VBP1: variants seen among roughly 807,000 people sequenced by gnomAD.
The protein encoded by VBP1 is prefoldin subunit 3.
VBP1 carries 4 observed loss-of-function variants against 15.5 expected under a neutral mutation model. The ratio of observed to expected loss-of-function variants is 0.26; its 90% CI spans 0.13 to 0.59. VBP1 has a LOEUF of 0.59. Among genes scored for constraint, VBP1 ranks in the 20% least tolerant of loss-of-function variants. The pLI, the probability that VBP1 is intolerant of heterozygous loss-of-function variation, is 0.90. For synonymous variants in VBP1, 61 were observed against 52.1 expected, an observed-to-expected ratio of 1.17 and a Z score of -0.74; for missense variants, 108 against 139.6, an observed-to-expected ratio of 0.77 and a Z score of 1.14.
At chrX:155,234,926 GT>G (rs2074764686) in intron 4 of VBP1, among the ~76,000 whole-genome samples, 1 of 112,007 alleles carries the variant, frequency 8.9e-6, no homozygotes, top group Non-Finnish European at 1.9e-5. Flanking sequence ...ATCTTATACA[GT>G]GCCCCATTTT....
intron 4 of VBP1, among the ~76,000 whole-genome samples, chrX:155,235,512 G>A (rs958557704): frequency 1.9e-4 from 21 of 111,024 alleles, no homozygotes; most frequent in African/African-American, 6.6e-4. Flanking sequence ...GCTGTAAAAG[G>A]TGTGGCTTCC....
At position 155,216,501 on chromosome X, in the gene VBP1, A is replaced by G. The variant is rs781860758; in HGVS notation, c.19A>G (p.Ser7Gly). ...CCCCAAGATGGCGGCCGTTAAGGAC[A>G]GTTGTGGCAAAGGAGAAATGGCCAC... is the stretch of plus-strand genomic sequence containing the variant. The part of the protein sequence containing the change: MAAVKD[S>G]CGKGEMATGN... Residue 7 changes from serine (S) to glycine (G), a missense_variant, in exon 1 of 6, where the codon AGT becomes GGT. Transcript: ENST00000286428. 4.3e-6 allele frequency: 5 copies of G among 1,170,398 alleles called. No individual in the cohort carries two copies. The highest frequency in any genetic ancestry group is 2.5e-5 in the Admixed American group (1 of 39,404).
chrX:155,214,616 G>T (rs1557308836), upstream of VBP1, among the ~76,000 whole-genome samples: 2 of 111,511 alleles, frequency 1.8e-5, no homozygotes, highest in Non-Finnish European at 3.8e-5. Context: ...ACCTTTTAAA[G>T]TCTGTTTTAA....
At chrX:155,225,380 A>T (rs1346456534) in intron 2 of VBP1, among the ~76,000 whole-genome samples, 5 of 111,309 alleles carry the variant, frequency 4.5e-5, no homozygotes, top group Admixed American at 9.5e-5. Context: ...ATTTTTTTTT[A>T]GTAGAGACTG....
chrX:155,217,410 C>G (rs890040501), intron 1 of VBP1, among the ~76,000 whole-genome samples: 3 of 112,607 alleles, frequency 2.7e-5, no homozygotes, highest in Non-Finnish European at 5.6e-5. Context: ...GAGAAAACAT[C>G]TGACTGGCCC....
At chrX:155,227,381 T>A in intron 3 of VBP1, 80 bp downstream of exon 3, 1 of 707,162 alleles carries the variant, frequency 1.4e-6, no homozygotes, top group Non-Finnish European at 2.1e-6. Flanking sequence ...CTTTGGTCAC[T>A]GATATTTGAT....
intron 1 of VBP1, among the ~76,000 whole-genome samples, chrX:155,201,223 C>T (rs1336764633): frequency 9.1e-6 from 1 of 110,187 alleles, no homozygotes; most frequent in Admixed American, 9.6e-5. Flanking sequence ...CTATTCCAAT[C>T]AATAGAAAAA....
intron 1 of VBP1, among the ~76,000 whole-genome samples, chrX:155,198,265 C>T (rs1401201253): frequency 8.9e-6 from 1 of 112,287 alleles, no homozygotes; most frequent in Non-Finnish European, 1.9e-5. Context: ...CAGTGGTTCT[C>T]CCAGCACGCA....
chrX:155,236,095 T>A, intron 4 of VBP1, 134 bp from the exon 5 acceptor site: 3 of 680,636 alleles, frequency 4.4e-6, no homozygotes, highest in Non-Finnish European at 6.4e-6. Flanking sequence ...ATAGCTGGGC[T>A]CCAGTGAAAC....
chrX:155,198,582 G>A (rs1377650982), intron 1 of VBP1, among the ~76,000 whole-genome samples: 1 of 110,708 alleles, frequency 9.0e-6, no homozygotes, highest in Non-Finnish European at 1.9e-5. Context: ...CAAACAGAAA[G>A]GACATCCACA....
chrX:155,228,663 G>T (rs972892619), intron 4 of VBP1, among the ~76,000 whole-genome samples, 181 bp downstream of exon 4: 8 of 111,968 alleles, frequency 7.1e-5, no homozygotes, highest in African/African-American at 2.6e-4. Context: ...GTTCATATTA[G>T]AAATTGACTA....
At chrX:155,200,492 C>T (rs1346520768) in intron 1 of VBP1, among the ~76,000 whole-genome samples, 10 of 111,367 alleles carry the variant, frequency 9.0e-5, no homozygotes, top group African/African-American at 2.9e-4. Context: ...AACTGAACAA[C>T]CTGGTCCTGA....
intron 2 of VBP1, among the ~76,000 whole-genome samples, chrX:155,220,897 A>T (rs1269687593): frequency 8.9e-6 from 1 of 112,165 alleles, no homozygotes; most frequent in African/African-American, 3.2e-5. Flanking sequence ...TCTGCTTTCA[A>T]CAAGGACACA....
chrX:155,223,607 GAC>G (rs2074701483), intron 2 of VBP1, among the ~76,000 whole-genome samples: 1 of 112,307 alleles, frequency 8.9e-6, no homozygotes, highest in Non-Finnish European at 1.9e-5. Flanking sequence ...TTTCCACACA[GAC>G]ACAGCAACAA....
At chrX:155,210,311 G>T (rs1569560884) in intron 2 of VBP1, among the ~76,000 whole-genome samples, 3 of 111,401 alleles carry the variant, frequency 2.7e-5, no homozygotes, top group Non-Finnish European at 3.8e-5. Context: ...GAAATTAGCT[G>T]GATATAGTGG....
At chrX:155,209,229 TTTTATTCATTTATTTG>T (rs1233182807) in intron 2 of VBP1, among the ~76,000 whole-genome samples, 3 of 112,613 alleles carry the variant, frequency 2.7e-5, no homozygotes, top group Non-Finnish European at 5.6e-5. Context: ...TCAGCCATCC[TTTTATTCATTTATTTG>T]TTTATTCAGT....
At chrX:155,212,033 C>T (rs1273705841), upstream of VBP1, among the ~76,000 whole-genome samples, 1 of 111,992 alleles carries the variant, frequency 8.9e-6, no homozygotes, top group African/African-American at 3.3e-5. Context: ...GTGCCCAAAG[C>T]CCTATTATTA....
chrX:155,235,275 G>A (rs2124100058), intron 4 of VBP1, among the ~76,000 whole-genome samples: 1 of 110,634 alleles, frequency 9.0e-6, no homozygotes, highest in East Asian at 2.8e-4. Context: ...CTTTGCTTAT[G>A]TTGAATATTT....
intron 1 of VBP1, among the ~76,000 whole-genome samples, chrX:155,205,617 G>A (rs1557307978): frequency 9.0e-6 from 1 of 111,572 alleles, no homozygotes; most frequent in African/African-American, 3.3e-5. Context: ...TCCCTACAGT[G>A]TTCTTCACAC....
Sources: allele counts gnomAD v4.1 joint callset (sites outside exome capture counted in the v4.1 genomes callset), GRCh38; gene constraint gnomAD v4.1.1; transcripts MANE v1.5; gene names NCBI Gene and HGNC (gene_info 2026-07-23, HGNC 2026-07-21).